NF1: variants seen among roughly 807,000 people sequenced by gnomAD.
The protein encoded by NF1 is neurofibromin 1, also known as neurofibromin.
NF1 carries 122 observed loss-of-function variants against 325.7 expected under a neutral mutation model. The ratio of observed to expected loss-of-function variants is 0.37; its 90% confidence interval spans 0.32 to 0.44. The LOEUF (loss-of-function observed/expected upper bound fraction) is 0.44. Ranked by LOEUF, NF1 falls within the 20% of genes least tolerant of loss-of-function variation. The pLI is 1.00. For synonymous variants in NF1, 1,091 were observed against 1,186.0 expected (o/e 0.92, Z 1.65); for missense variants, 2,140 against 3,415.4 (o/e 0.63, Z 9.31).
chr17:31,333,787 A>T (rs1250656956), intron 39 of NF1, among the ~76,000 whole-genome samples: 1 of 152,212 alleles, frequency 6.6e-6, no homozygotes, highest in African/African-American at 2.4e-5. Flanking sequence ...TGCCCTTCAA[A>T]ATGGGTAAAG....
intron 13 of NF1, among the ~76,000 whole-genome samples, chr17:31,215,457 CTATT>C (rs1264116731): frequency 7.2e-5 from 11 of 152,188 alleles, no homozygotes; most frequent in South Asian, 6.2e-4. Context: ...ATTTGGATGA[CTATT>C]TAATCTTTCT....
At chr17:31,111,831 T>TCC (rs1450606509) in intron 1 of NF1, among the ~76,000 whole-genome samples, 1 of 152,042 alleles carries the variant, frequency 6.6e-6, no homozygotes, top group Non-Finnish European at 1.5e-5. Flanking sequence ...CACACTCGGG[T>TCC]AAGTGTGTGA....
At chr17:31,145,785 A>G (rs1916545754) in intron 1 of NF1, among the ~76,000 whole-genome samples, 1 of 152,194 alleles carries the variant, frequency 6.6e-6, no homozygotes, top group Non-Finnish European at 1.5e-5. Flanking sequence ...TAAAGGGAAC[A>G]AAAGAAGTAT....
At chr17:31,262,508 C>T (rs1340563059) in intron 35 of NF1, among the ~76,000 whole-genome samples, 1 of 152,110 alleles carries the variant, frequency 6.6e-6, no homozygotes, top group African/African-American at 2.4e-5. Context: ...AGTGCTCCTT[C>T]GTGTCTGTGA....
chr17:31,148,498 A>T (rs1430901481), intron 1 of NF1, among the ~76,000 whole-genome samples: 2 of 150,912 alleles, frequency 1.3e-5, no homozygotes, highest in African/African-American at 2.4e-5. Flanking sequence ...CTGAGTGAGG[A>T]TTACTATGGG....
intron 36 of NF1, among the ~76,000 whole-genome samples, chr17:31,324,480 T>C (rs566991225): frequency 5.9e-5 from 9 of 152,278 alleles, no homozygotes; most frequent in South Asian, 2.1e-4. Context: ...TTTTGAAATA[T>C]ACAATGTTAT....
Position 31,375,013 on chromosome 17 carries a change from T to TATAC in NF1, c.*861_*862insCATA, listed in dbSNP as rs1491146046. 8.6e-5 allele frequency: 5 copies of TATAC among 57,862 alleles called. No homozygotes were observed. The highest frequency in any genetic ancestry group is 1.3e-4 in the Non-Finnish European group (5 of 38,760). 3.6% of individuals were successfully genotyped at this position (57,862 alleles called of 1,614,324 possible). A position where few individuals can be genotyped will look rare whatever the true frequency, so the allele number is the denominator to read the frequency against. ...CCAAAACTATACTAAGTATAGTAAT[T>TATAC]ATATATATATATATATTTTTTCCCC... On this transcript the variant is annotated 3_prime_UTR_variant, in exon 58 of 58. Transcript: ENST00000358273.
chr17:31,356,735 G>A (rs936213139), intron 52 of NF1, 153 bp downstream of exon 52: 1 of 1,222,022 alleles, frequency 8.2e-7, no homozygotes. Context: ...ATTCAAGACA[G>A]TTATCTTGAA....
rs148059085 is a variant in NF1, at chr17:31,204,257, A to G, written c.1261-1983A>G. ...TACGACAATTTATCGTAATTTACAT[A>G]TGGATAGTTCACATACTGAAAATGA... On this transcript the variant is annotated intron_variant, in intron 11 of 57. Transcript: ENST00000358273. Among the ~76,000 whole-genome samples, 535 of 152,210 alleles carry G rather than the reference A, an allele frequency of 3.5e-3. 1 individual carries two copies. Among genetic ancestry groups the G allele is most frequent in the Non-Finnish European group, 5.2e-3 (354 of 67,942 alleles).
At chr17:31,120,374 G>A (rs1386482034) in intron 1 of NF1, among the ~76,000 whole-genome samples, 3 of 152,118 alleles carry the variant, frequency 2.0e-5, no homozygotes, top group Non-Finnish European at 4.4e-5. Flanking sequence ...TGTAGCAATT[G>A]TGAATGGGAA....
Position 31,225,205 on chromosome 17 carries a change from T to G in NF1, c.1956T>G (p.Arg652=), listed in dbSNP as rs1429522155. 1.2e-6 allele frequency: 2 copies of G among 1,613,744 alleles called. No homozygotes were observed. Among genetic ancestry groups the G allele is most frequent in the African/African-American group, 2.7e-5 (2 of 74,918 alleles). ...CCATGGATCATGAAGAATTACTACG[T>G]ACTCCTGGAGCCTCTCTCCGGAAGG... ...QMSMDHEELL[R]TPGASLRKGK... is the part of the protein sequence containing the mutation. Residue 652 remains arginine (R), a synonymous_variant, in exon 17 of 58, where the codon CGT becomes CGG. Coordinates refer to ENST00000358273, the MANE Select transcript of NF1 (RefSeq NM_001042492.3).
In NF1 at chr17:31,359,024, A is replaced by C. The variant is rs997202389; in HGVS notation, c.8160+9A>C. ...CAGGACCGTTTTCAAAGGTAAGAAAATATATTTTTCTCTAACTTTTGGCAA... is the reference window on the plus strand; with the variant it reads ...CAGGACCGTTTTCAAAGGTAAGAAACTATATTTTTCTCTAACTTTTGGCAA... On this transcript the variant is annotated intron_variant, in intron 56 of 57. Coordinates refer to ENST00000358273, the MANE Select transcript of NF1 (RefSeq NM_001042492.3). The C allele has an allele frequency of 1.9e-6, 3 of 1,613,064 alleles. No individual in the cohort carries two copies. In the Admixed American group the frequency reaches 5.0e-5, roughly 27 times the overall value.
Position 31,340,497 on chromosome 17 carries a change from T to C in NF1, c.6922-8T>C, listed in dbSNP as rs191255643. On this transcript the variant is annotated splice_region_variant and splice_polypyrimidine_tract_variant and intron_variant, in intron 46 of 57. Coordinates refer to ENST00000358273, the MANE Select transcript of NF1 (RefSeq NM_001042492.3). ...TCTTACTAGCCTCAAACATATCTTCTTTGCCAGGACTCGCCTCTGCACAAA... is the reference window on the plus strand; with the variant it reads ...TCTTACTAGCCTCAAACATATCTTCCTTGCCAGGACTCGCCTCTGCACAAA... 4.3e-6 allele frequency: 7 copies of C among 1,614,194 alleles called. No individual in the cohort carries two copies. The African/African-American group carries it at 9.3e-5, about 22-fold the overall frequency.
chr17:31,227,960 CTG>C (rs1295427220), intron 20 of NF1, among the ~76,000 whole-genome samples: 1 of 152,334 alleles, frequency 6.6e-6, no homozygotes, highest in African/African-American at 2.4e-5. Flanking sequence ...CTGCTAGAGA[CTG>C]TTTGTTGCAG....
chr17:31,335,883 G>T (rs2069655719), intron 40 of NF1, among the ~76,000 whole-genome samples: 1 of 143,096 alleles, frequency 7.0e-6, no homozygotes. Context: ...TTAGAGATAG[G>T]GTTTTGCCAT....
At chr17:31,175,648 G>A (rs1356177267) in intron 5 of NF1, among the ~76,000 whole-genome samples, 1 of 152,036 alleles carries the variant, frequency 6.6e-6, no homozygotes, top group Non-Finnish European at 1.5e-5. Flanking sequence ...TCTACCTTAG[G>A]TATTTTTCCT....
intron 11 of NF1, among the ~76,000 whole-genome samples, chr17:31,205,955 T>C (rs1320365067): frequency 6.6e-6 from 1 of 152,124 alleles, no homozygotes. Context: ...GACTTTATTT[T>C]TCAAATTCAC....
At chr17:31,266,948 T>G (rs367738543) in intron 36 of NF1, among the ~76,000 whole-genome samples, 1 of 141,270 alleles carries the variant, frequency 7.1e-6, no homozygotes, top group Non-Finnish European at 1.6e-5. Context: ...TTTTTTTTTT[T>G]GAAATGGAGT....
rs11867789 is a variant in NF1 at position 31,209,305 on chromosome 17, A to G, written c.1392+2934A>G. On this transcript the variant is annotated intron_variant, in intron 12 of 57. Transcript: ENST00000358273. The stretch of plus-strand genomic sequence containing the variant: ...TAAACCTGAGCCATTAGCTTGCTTC[A>G]GAAGTAGCAATCTAGGAGTTCTGTT... Among the ~76,000 whole-genome samples the G allele has an allele frequency of 3.2e-3, 490 of 152,364 alleles. 2 individuals carry two copies. The highest frequency in any genetic ancestry group is 0.011 in the African/African-American group (466 of 41,586).
Sources: gnomAD v4.1 joint callset for allele counts (sites outside exome capture counted in the v4.1 genomes callset) on GRCh38, gnomAD v4.1.1 for gene constraint, MANE v1.5 for transcripts, NCBI Gene and HGNC (gene_info 2026-07-23, HGNC 2026-07-21) for gene names.